Variants in C3orf70 observed in about 807,000 individuals in gnomAD.
C3orf70 encodes UPF0524 protein C3orf70.
In C3orf70, 15 loss-of-function variants were observed where a neutral mutation model predicts 20.7. That is an observed-to-expected ratio of 0.72 (90% CI 0.48 to 1.11). The LOEUF (loss-of-function observed/expected upper bound fraction) is 1.11. Ranked by LOEUF, C3orf70 falls within the 50% of genes most tolerant of loss-of-function variation. The pLI is 0.00. For missense variants in C3orf70, 332 were observed against 317.6 expected, an observed-to-expected ratio of 1.05 and a Z score of -0.34; for synonymous variants, 161 against 125.7, an observed-to-expected ratio of 1.28 and a Z score of -1.88.
At chr3:185,114,845 T>C (rs1241064846) in intron 1 of C3orf70, among the ~76,000 whole-genome samples, 1 of 150,978 alleles carries the variant, frequency 6.6e-6, no homozygotes, top group Non-Finnish European at 1.5e-5. Context: ...GCAAATTCTT[T>C]TGTTGAACTA....
intron 1 of C3orf70, among the ~76,000 whole-genome samples, chr3:185,093,852 C>T (rs1715643691): frequency 6.6e-6 from 1 of 151,968 alleles, no homozygotes; most frequent in African/African-American, 2.4e-5. Context: ...TGACCTGAGA[C>T]CAGTCTCTTT....
intron 1 of C3orf70, among the ~76,000 whole-genome samples, chr3:185,087,270 GAA>G (rs1276808642): frequency 6.6e-6 from 1 of 152,172 alleles, no homozygotes; most frequent in Non-Finnish European, 1.5e-5. Flanking sequence ...AGGGCTCAGA[GAA>G]AAAGAGAGCA....
At chr3:185,122,404 A>G (rs1716323632) in intron 1 of C3orf70, among the ~76,000 whole-genome samples, 1 of 152,222 alleles carries the variant, frequency 6.6e-6, no homozygotes, top group Admixed American at 6.5e-5. Context: ...CCCAAATGCC[A>G]TAATCCCAAA....
chr3:185,141,801 AACACACACACAC>A (rs66562532), intron 1 of C3orf70, among the ~76,000 whole-genome samples: 2,667 of 146,444 alleles, frequency 0.018, 74 homozygotes, highest in African/African-American at 0.063. Context: ...ATGCAAAGGA[AACACACACACAC>A]ACACACACAC....
intron 1 of C3orf70, among the ~76,000 whole-genome samples, chr3:185,139,021 G>A (rs1310653170): frequency 6.6e-6 from 1 of 152,060 alleles, no homozygotes; most frequent in African/African-American, 2.4e-5. Flanking sequence ...AGGATCATTT[G>A]AGCCCAGGAG....
At chr3:185,084,377 A>AT (rs1350519734) in intron 1 of C3orf70, among the ~76,000 whole-genome samples, 1 of 152,160 alleles carries the variant, frequency 6.6e-6, no homozygotes, top group East Asian at 1.9e-4. Flanking sequence ...ATACACCTAC[A>AT]TATTTATTTA....
chr3:185,098,969 T>C (rs552729781), intron 1 of C3orf70, among the ~76,000 whole-genome samples: 163 of 152,352 alleles, frequency 1.1e-3, no homozygotes, highest in African/African-American at 3.7e-3. Context: ...CCAGTCTCTA[T>C]AATCACGTGA....
intron 1 of C3orf70, among the ~76,000 whole-genome samples, chr3:185,131,795 G>A (rs999676376): frequency 2.6e-5 from 4 of 152,150 alleles, no homozygotes. Flanking sequence ...TGGCTTTTTG[G>A]TTTCTGTAAC....
At chr3:185,117,050 G>A (rs1395380507) in intron 1 of C3orf70, among the ~76,000 whole-genome samples, 2 of 152,156 alleles carry the variant, frequency 1.3e-5, no homozygotes, top group East Asian at 1.9e-4. Context: ...CAAAGTGCTG[G>A]GATTACAGGC....
chr3:185,136,235 A>G (rs542400230), intron 1 of C3orf70, among the ~76,000 whole-genome samples: 2 of 152,272 alleles, frequency 1.3e-5, no homozygotes, highest in South Asian at 4.1e-4. Flanking sequence ...ATAATGAAAA[A>G]AAGGGTCAGT....
In C3orf70 at chr3:185,082,471, G is replaced by A. The variant is rs555754542; in HGVS notation, c.*536C>T. 2 of 155,056 alleles carry A rather than the reference G, an allele frequency of 1.3e-5. No homozygotes were observed. The highest frequency in any genetic ancestry group is 4.8e-5 in the African/African-American group (2 of 41,588). 9.6% of individuals were successfully genotyped at this position (155,056 alleles called of 1,614,324 possible). ...TCCAGTGACCTCCCAGAAGTAAGCC[G>A]AGGCAGCTCTGATCCAGACCCAGTG... is the stretch of plus-strand genomic sequence containing the variant. On this transcript the variant is annotated 3_prime_UTR_variant, in exon 2 of 2. Transcript: ENST00000335012.
At chr3:185,090,902 T>C (rs1236275398) in intron 1 of C3orf70, among the ~76,000 whole-genome samples, 1 of 152,220 alleles carries the variant, frequency 6.6e-6, no homozygotes, top group African/African-American at 2.4e-5. Context: ...ATATGCAAGA[T>C]CCTAGTTCCT....
At chr3:185,106,117 G>A (rs554784472) in intron 1 of C3orf70, among the ~76,000 whole-genome samples, 14 of 152,080 alleles carry the variant, frequency 9.2e-5, no homozygotes, top group Non-Finnish European at 1.9e-4. Context: ...GTGATTGTTC[G>A]AGCAGCGCCT....
At chr3:185,104,344 A>C (rs928677102) in intron 1 of C3orf70, among the ~76,000 whole-genome samples, 2 of 152,210 alleles carry the variant, frequency 1.3e-5, no homozygotes, top group African/African-American at 2.4e-5. Context: ...GAGAGGTTGC[A>C]GAGAAAAAGG....
At chr3:185,151,913 A>G (rs1716995806) in intron 1 of C3orf70, among the ~76,000 whole-genome samples, 1 of 152,236 alleles carries the variant, frequency 6.6e-6, no homozygotes, top group Non-Finnish European at 1.5e-5. Context: ...ACACAGAGAA[A>G]GGGTTTAGAC....
chr3:185,123,036 G>A (rs1239031037), intron 1 of C3orf70, among the ~76,000 whole-genome samples: 1 of 151,564 alleles, frequency 6.6e-6, no homozygotes, highest in Non-Finnish European at 1.5e-5. Flanking sequence ...AAATTAGCCA[G>A]GCATGGTGGC....
chr3:185,132,080 A>G (rs900494570), intron 1 of C3orf70, among the ~76,000 whole-genome samples: 18 of 152,336 alleles, frequency 1.2e-4, no homozygotes, highest in African/African-American at 4.3e-4. Context: ...AGTCTAAAGC[A>G]ATCCTGTAGT....
chr3:185,122,333 T>C (rs1561354246), intron 1 of C3orf70, among the ~76,000 whole-genome samples: 3 of 152,192 alleles, frequency 2.0e-5, no homozygotes, highest in Non-Finnish European at 4.4e-5. Context: ...TGGCCCTCCA[T>C]ATCCGTGGGT....
chr3:185,086,760 C>T lies in C3orf70; in HGVS notation c.197-3197G>A, dbSNP rs114625096. On this transcript the variant is annotated intron_variant, in intron 1 of 1. Transcript: ENST00000335012. ...GTCTATTAAATGTGTTTACTCAGAG[C>T]GAGGGTGAGAGCCTATTATCTGGTG... 9.7e-3 allele frequency among the ~76,000 whole-genome samples: 1,478 copies of T among 152,016 alleles called. 24 individuals carry two copies. The highest frequency in any genetic ancestry group is 0.035 in the African/African-American group (1,439 of 41,462).
Sources: gnomAD v4.1 joint callset for allele counts (sites outside exome capture counted in the v4.1 genomes callset) on GRCh38, gnomAD v4.1.1 for gene constraint, MANE v1.5 for transcripts, NCBI Gene and HGNC (gene_info 2026-07-23, HGNC 2026-07-21) for gene names.